COL18A1: variants seen among roughly 807,000 people sequenced by gnomAD.
The protein encoded by COL18A1 is collagen alpha-1(XVIII) chain.
In COL18A1, 133 loss-of-function variants were observed where a neutral mutation model predicts 168.0. That is an observed-to-expected ratio of 0.79 (90% CI 0.69 to 0.91). COL18A1 has a LOEUF of 0.91. Ranked by LOEUF, COL18A1 falls within the 40% of genes least tolerant of loss-of-function variation. The pLI is 0.00. For missense variants in COL18A1, 2,126 were observed against 1,925.4 expected (o/e 1.10, Z -1.95); for synonymous variants, 949 against 809.0 (o/e 1.17, Z -2.94).
chr21:45,418,569 G>T (rs528853052), intron 2 of COL18A1, among the ~76,000 whole-genome samples: 12 of 152,216 alleles, frequency 7.9e-5, no homozygotes, highest in African/African-American at 2.6e-4. Flanking sequence ...GAGCCTCGGG[G>T]TGCTCACCGG....
intron 2 of COL18A1, among the ~76,000 whole-genome samples, chr21:45,449,352 T>C (rs2034571989): frequency 6.6e-6 from 1 of 152,030 alleles, no homozygotes; most frequent in Non-Finnish European, 1.5e-5. Context: ...CTCCCACCAC[T>C]CGTGATCACC....
intron 2 of COL18A1, among the ~76,000 whole-genome samples, chr21:45,460,838 C>T (rs530826262): frequency 8.5e-5 from 13 of 152,214 alleles, no homozygotes; most frequent in Non-Finnish European, 1.9e-4. Context: ...AAGAGTGACT[C>T]AGCATTTAAC....
chr21:45,489,802 C>G (rs981898737), intron 19 of COL18A1, among the ~76,000 whole-genome samples: 48 of 140,720 alleles, frequency 3.4e-4, no homozygotes, highest in Non-Finnish European at 6.8e-4. Context: ...CTGCCACCGG[C>G]CTCCCGCCTC....
At chr21:45,408,926 CA>C (rs1476712494) in intron 2 of COL18A1, among the ~76,000 whole-genome samples, 1 of 151,924 alleles carries the variant, frequency 6.6e-6, no homozygotes, top group Non-Finnish European at 1.5e-5. Context: ...CTTCCTCTCT[CA>C]GCCCCAGGCC....
chr21:45,482,258 G>T, intron 14 of COL18A1: 1 of 632,020 alleles, frequency 1.6e-6, no homozygotes, highest in East Asian at 2.7e-5. Context: ...TTAAGAACAT[G>T]GGCACCCTGC....
At chr21:45,497,298 G>A (rs969786473) in intron 31 of COL18A1, among the ~76,000 whole-genome samples, 65 of 152,338 alleles carry the variant, frequency 4.3e-4, no homozygotes, top group African/African-American at 1.6e-3. Flanking sequence ...CCTTGGGGTG[G>A]CCCCCATTTG....
intron 33 of COL18A1, 123 bp downstream of exon 33, chr21:45,504,177 C>G: frequency 8.4e-7 from 1 of 1,196,984 alleles, no homozygotes; most frequent in East Asian, 2.4e-5. Flanking sequence ...GCGAGGGGCG[C>G]TGGCTCCAGA....
intron 2 of COL18A1, among the ~76,000 whole-genome samples, chr21:45,461,192 C>T (rs1387711030): frequency 1.3e-5 from 2 of 152,096 alleles, no homozygotes; most frequent in East Asian, 1.9e-4. Context: ...TTGTACCCTT[C>T]GACCAACAGT....
Position 45,486,916 on chromosome 21 carries a change from G to A in COL18A1, c.1757G>A (p.Gly586Glu), listed in dbSNP as rs2036133690. 5 of 1,522,880 alleles carry A rather than the reference G, an allele frequency of 3.3e-6. No individual in the cohort carries two copies. Among genetic ancestry groups the A allele is most frequent in the African/African-American group, 2.8e-5 (2 of 71,960 alleles). The allele number at this position is 1,522,880 out of a possible 1,614,324, so 94.3% of individuals were successfully genotyped here. A position where few individuals can be genotyped will look rare whatever the true frequency, so the allele number is the denominator to read the frequency against. ...GCTCGTGGGGAGAGCGGCCTGGCAGGAGCCCCCGGACCTGCTGGACCACCA... is the reference window on the plus strand; with the variant it reads ...GCTCGTGGGGAGAGCGGCCTGGCAGAAGCCCCCGGACCTGCTGGACCACCA... Reference protein sequence around the residue: ...AGARGESGLAGAPGPAGPPGP... With the variant: ...AGARGESGLAEAPGPAGPPGP... The change falls in exon 16 of 42, where the codon GGA (glycine) becomes GAA (glutamate). Residue 586 changes from glycine (G) to glutamate (E), a missense_variant. Gly to Glu is a moderately conservative substitution (Grantham distance 98). Coordinates refer to ENST00000651438, the MANE Select transcript of COL18A1 (RefSeq NM_001379500.1).
At chr21:45,449,348 C>T in intron 2 of COL18A1, among the ~76,000 whole-genome samples, 1 of 152,216 alleles carries the variant, frequency 6.6e-6, no homozygotes, top group East Asian at 1.9e-4. Flanking sequence ...AAGGCTCCCA[C>T]CACTCGTGAT....
chr21:45,480,181 C>T (rs567969449), intron 11 of COL18A1, 25 bp downstream of exon 11: 25 of 1,378,062 alleles, frequency 1.8e-5, no homozygotes, highest in Middle Eastern at 1.9e-4. Context: ...TGGCTTCCTG[C>T]GACCCGGGGT....
chr21:45,475,529 G>A lies in COL18A1; in HGVS notation c.792G>A (p.Glu264=), dbSNP rs1013032361. 6 of 1,606,318 alleles carry A rather than the reference G, an allele frequency of 3.7e-6. No individual in the cohort carries two copies. Among genetic ancestry groups the A allele is most frequent in the Admixed American group, 1.7e-5 (1 of 59,286 alleles). The change falls in exon 5 of 42, where the codon GAG becomes GAA. Residue 264 remains glutamate, a synonymous_variant. Transcript: ENST00000651438. ...GGGACGCCCGGGAGCTTCTCAGGGA[G>A]GAGACGGTGAGTAGCCGGACGGGGC... is the stretch of plus-strand genomic sequence containing the variant. ...GLGDARELLR[E]ETGAALKPRL...
chr21:45,495,560 C>A, intron 29 of COL18A1, 128 bp downstream of exon 29: 2 of 763,114 alleles, frequency 2.6e-6, no homozygotes, highest in Non-Finnish European at 4.6e-6. Flanking sequence ...TGTGGCCACA[C>A]AGCACTGGTC....
At chr21:45,453,030 CAT>C (rs1346247651) in intron 2 of COL18A1, among the ~76,000 whole-genome samples, 3 of 150,572 alleles carry the variant, frequency 2.0e-5, no homozygotes, top group Non-Finnish European at 4.4e-5. Context: ...TGCGAGTATT[CAT>C]GTGTGACATG....
chr21:45,453,145 C>T (rs1329627875), intron 2 of COL18A1, among the ~76,000 whole-genome samples: 1 of 150,618 alleles, frequency 6.6e-6, no homozygotes, highest in Non-Finnish European at 1.5e-5. Flanking sequence ...CGAGTATTCA[C>T]ATGTGACATG....
rs372726885 is a variant in COL18A1, at chr21:45,416,433, C to T, written c.106+10960C>T. Among the ~76,000 whole-genome samples, 86 of 151,334 alleles carry T rather than the reference C, an allele frequency of 5.7e-4. 1 individual carries two copies. The South Asian group carries it at 0.014, about 24-fold the overall frequency. On this transcript the variant is annotated intron_variant, in intron 2 of 41. Coordinates refer to ENST00000651438, the MANE Select transcript of COL18A1 (RefSeq NM_001379500.1). The stretch of plus-strand genomic sequence containing the variant: ...GGGTGGTGTGGGGACCGCGAGGCTC[C>T]GCACTGGTGTGGGGGTGGCCGGGGC...
At chr21:45,405,597 C>A in intron 2 of COL18A1, 124 bp downstream of exon 2, 1 of 510,154 alleles carries the variant, frequency 2.0e-6, no homozygotes, top group Non-Finnish European at 2.8e-6. Flanking sequence ...CCGGCCCTGC[C>A]CACGCGCGCA....
intron 2 of COL18A1, among the ~76,000 whole-genome samples, chr21:45,427,462 T>G: frequency 6.6e-6 from 1 of 152,106 alleles, no homozygotes; most frequent in East Asian, 1.9e-4. Context: ...CGCCTGGCAC[T>G]GACCAGACTG....
intron 32 of COL18A1, among the ~76,000 whole-genome samples, chr21:45,500,495 G>C (rs1480719997): frequency 1.2e-5 from 1 of 80,086 alleles, no homozygotes; most frequent in Non-Finnish European, 2.5e-5. Context: ...TGTTGCGTGT[G>C]TAGTGTGGGG....
Sources: allele counts gnomAD v4.1 joint callset (sites outside exome capture counted in the v4.1 genomes callset), GRCh38; gene constraint gnomAD v4.1.1; transcripts MANE v1.5; gene names NCBI Gene and HGNC (gene_info 2026-07-23, HGNC 2026-07-21).